CDH13: variants seen among roughly 807,000 people sequenced by gnomAD.
CDH13 encodes cadherin 13.
In CDH13, 24 loss-of-function variants were observed where a neutral mutation model predicts 63.8. The ratio of observed to expected loss-of-function variants is 0.38; its 90% CI spans 0.27 to 0.53. The LOEUF (loss-of-function observed/expected upper bound fraction) is 0.53. Among genes scored for constraint, CDH13 ranks in the 20% least tolerant of loss-of-function variants. CDH13 has a pLI of 0.85. For missense variants in CDH13, 1,049 were observed against 903.1 expected (o/e 1.16, Z -2.07); for synonymous variants, 503 against 355.3 (o/e 1.42, Z -4.67).
At chr16:83,007,878 CT>C (rs1913708445) in intron 2 of CDH13, among the ~76,000 whole-genome samples, 1 of 151,456 alleles carries the variant, frequency 6.6e-6, no homozygotes, top group African/African-American at 2.4e-5. Flanking sequence ...ATGCATGCAA[CT>C]TTTTCTTTCT....
In CDH13 at chr16:82,815,326, C is replaced by T. The variant is rs148774386; in HGVS notation, c.46-43036C>T. 8.5e-3 allele frequency among the ~76,000 whole-genome samples: 1,293 copies of T among 152,264 alleles called. 10 individuals carry two copies. The highest frequency in any genetic ancestry group is 0.021 in the Middle Eastern group (6 of 292). On this transcript the variant is annotated intron_variant, in intron 1 of 13. Coordinates refer to ENST00000567109, the MANE Select transcript of CDH13 (RefSeq NM_001257.5). ...AGGAACAGAGACAGTCGACTTGCCTCTCACTCTCTGCCTCAGTTTCCTCAC... is the reference window on the plus strand; with the variant it reads ...AGGAACAGAGACAGTCGACTTGCCTTTCACTCTCTGCCTCAGTTTCCTCAC...
At chr16:82,801,987 T>C (rs1464535298) in intron 1 of CDH13, among the ~76,000 whole-genome samples, 2 of 152,168 alleles carry the variant, frequency 1.3e-5, no homozygotes, top group Admixed American at 6.5e-5. Flanking sequence ...TGTGTGTGAA[T>C]GGTAATGTCA....
chr16:82,834,117 C>T (rs887296952), intron 1 of CDH13, among the ~76,000 whole-genome samples: 2 of 152,184 alleles, frequency 1.3e-5, no homozygotes, highest in African/African-American at 2.4e-5. Context: ...TATTAATAAC[C>T]CTCAGCATGA....
chr16:82,900,201 A>G (rs761861642), intron 2 of CDH13, among the ~76,000 whole-genome samples: 1 of 152,236 alleles, frequency 6.6e-6, no homozygotes, highest in Non-Finnish European at 1.5e-5. Flanking sequence ...CCTGGTGGAC[A>G]GAAAGAACCA....
chr16:83,678,364 C>T lies in CDH13; in HGVS notation c.1441C>T (p.Pro481Ser). The T allele has an allele frequency of 6.2e-7, 1 of 1,613,942 alleles. No homozygotes were observed. The highest frequency in any genetic ancestry group is 8.5e-7 in the Non-Finnish European group (1 of 1,179,880). The change falls in exon 10 of 14, where the codon CCC becomes TCC. Residue 481 changes from proline (P) to serine (S), a missense_variant. Transcript: ENST00000567109. ...CGAGGGCCCAGTCTTCTACCCAGACCCCATGATGGTGACCAGGCAGGAGGA... is the reference window on the plus strand; with the variant it reads ...CGAGGGCCCAGTCTTCTACCCAGACTCCATGATGGTGACCAGGCAGGAGGA... ...VNEGPVFYPD[P>S]MMVTRQEDLS... is the part of the protein sequence containing the mutation.
intron 7 of CDH13, among the ~76,000 whole-genome samples, chr16:83,519,053 G>T (rs575340484): frequency 5.9e-5 from 9 of 152,268 alleles, no homozygotes; most frequent in Admixed American, 3.3e-4. Context: ...TCTCAGATTC[G>T]CTAAACTTTA....
intron 4 of CDH13, among the ~76,000 whole-genome samples, chr16:83,200,978 G>C (rs899782773): frequency 1.6e-5 from 2 of 128,830 alleles, no homozygotes; most frequent in Admixed American, 1.6e-4. Flanking sequence ...TGTGTTATTG[G>C]GATCTTTTAA....
At chr16:82,977,721 A>AG (rs1909715758) in intron 2 of CDH13, among the ~76,000 whole-genome samples, 1 of 152,188 alleles carries the variant, frequency 6.6e-6, no homozygotes, top group South Asian at 2.1e-4. Context: ...ATTGGTTCTG[A>AG]GGGAGCAGGG....
intron 2 of CDH13, among the ~76,000 whole-genome samples, chr16:82,862,956 G>A (rs189338653): frequency 6.6e-6 from 1 of 152,278 alleles, no homozygotes; most frequent in East Asian, 1.9e-4. Flanking sequence ...AAGACTATGA[G>A]GAGGTCACTG....
chr16:83,365,446 C>G (rs1272081968), intron 6 of CDH13, among the ~76,000 whole-genome samples: 2 of 152,110 alleles, frequency 1.3e-5, no homozygotes, highest in Non-Finnish European at 2.9e-5. Flanking sequence ...AAGAGTTGCC[C>G]AAGTACCTGG....
intron 3 of CDH13, among the ~76,000 whole-genome samples, chr16:83,092,837 T>G (rs1375524216): frequency 6.6e-6 from 1 of 152,208 alleles, no homozygotes. Context: ...TAATTTTTCT[T>G]AAGTATAACA....
intron 4 of CDH13, among the ~76,000 whole-genome samples, chr16:83,149,283 A>C (rs887160161): frequency 6.6e-6 from 1 of 152,260 alleles, no homozygotes; most frequent in Non-Finnish European, 1.5e-5. Context: ...CCATTAAACA[A>C]AGCAGAGAAT....
At chr16:83,714,822 C>T (rs546313537) in intron 10 of CDH13, among the ~76,000 whole-genome samples, 1 of 152,254 alleles carries the variant, frequency 6.6e-6, no homozygotes, top group African/African-American at 2.4e-5. Context: ...TCTGATGATA[C>T]TCATCTATCT....
chr16:83,576,767 G>C (rs1905113437), intron 7 of CDH13, among the ~76,000 whole-genome samples: 1 of 152,132 alleles, frequency 6.6e-6, no homozygotes, highest in African/African-American at 2.4e-5. Context: ...TAGTGATACT[G>C]AACATTTTTT....
chr16:82,642,333 C>T (rs1014705595), intron 1 of CDH13, among the ~76,000 whole-genome samples: 1 of 152,140 alleles, frequency 6.6e-6, no homozygotes, highest in Non-Finnish European at 1.5e-5. Flanking sequence ...TTAAGTTGCC[C>T]ATTAAAGTAC....
intron 2 of CDH13, among the ~76,000 whole-genome samples, chr16:82,875,232 A>G (rs901048780): frequency 6.6e-6 from 1 of 152,192 alleles, no homozygotes; most frequent in Non-Finnish European, 1.5e-5. Flanking sequence ...CATGATGTGC[A>G]GTTTTGATCA....
At chr16:83,225,662 C>T (rs1409479953) in intron 5 of CDH13, among the ~76,000 whole-genome samples, 2 of 152,108 alleles carry the variant, frequency 1.3e-5, no homozygotes, top group Non-Finnish European at 2.9e-5. Context: ...AACTTTGTTG[C>T]CCTTAGAATC....
chr16:83,032,473 G>C lies in CDH13; in HGVS notation c.366+255G>C, dbSNP rs141340929. Among the ~76,000 whole-genome samples the C allele has an allele frequency of 6.6e-4, 100 of 152,220 alleles. No individual in the cohort carries two copies. The East Asian group carries it at 0.017, about 26-fold the overall frequency. On this transcript the variant is annotated intron_variant, in intron 3 of 13. Coordinates refer to ENST00000567109, the MANE Select transcript of CDH13 (RefSeq NM_001257.5). Reference sequence around the variant, plus strand: ...AGGGATACTTCTGCCTTCAGGCGTGGCTGAAGCTGTCCAAATCAGCTTTAA... The same window carrying C: ...AGGGATACTTCTGCCTTCAGGCGTGCCTGAAGCTGTCCAAATCAGCTTTAA...
intron 1 of CDH13, among the ~76,000 whole-genome samples, chr16:82,628,051 C>T (rs1244427669): frequency 6.6e-6 from 1 of 152,236 alleles, no homozygotes; most frequent in East Asian, 1.9e-4. Context: ...GTCACCTCTG[C>T]ACCTCAGAGA....
Sources: allele counts gnomAD v4.1 joint callset (sites outside exome capture counted in the v4.1 genomes callset), GRCh38; gene constraint gnomAD v4.1.1; transcripts MANE v1.5; gene names NCBI Gene and HGNC (gene_info 2026-07-23, HGNC 2026-07-21).